The following RPS6KA5 variants were observed in gnomAD, a reference collection of about 807,000 sequenced individuals.
RPS6KA5 encodes ribosomal protein S6 kinase alpha-5.
Under a neutral mutation model 85.5 loss-of-function variants are expected in RPS6KA5, and 27 were observed. The observed-to-expected ratio is 0.32, with a 90% CI of 0.23 to 0.44. The LOEUF (loss-of-function observed/expected upper bound fraction) is 0.44. RPS6KA5 is among the 20% of genes least tolerant of loss of function. RPS6KA5 has a pLI of 1.00. For missense variants in RPS6KA5, 811 were observed against 980.9 expected, an observed-to-expected ratio of 0.83 and a Z score of 2.31; for synonymous variants, 334 against 348.2, an observed-to-expected ratio of 0.96 and a Z score of 0.46.
Position 90,902,795 on chromosome 14 carries a change from G to A in RPS6KA5, c.1119+13C>T. 1 of 1,612,742 alleles carries A rather than the reference G, an allele frequency of 6.2e-7. No individual in the cohort carries two copies. Among genetic ancestry groups the A allele is most frequent in the Non-Finnish European group, 8.5e-7 (1 of 1,179,088 alleles). On this transcript the variant is annotated intron_variant, in intron 9 of 16. Transcript: ENST00000614987. The stretch of plus-strand genomic sequence containing the variant: ...ATATGGCCAATGTGCATGTGCACAG[G>A]ATGGGAAATTACCTGAAACAGCTTC...
Position 90,849,789 on chromosome 14 carries a change from G to A in RPS6KA5, c.*22285C>T, listed in dbSNP as rs2031897441. 1 of 152,186 alleles carries A rather than the reference G, an allele frequency of 6.6e-6. No individual in the cohort carries two copies. The highest frequency in any genetic ancestry group is 1.5e-5 in the Non-Finnish European group (1 of 68,038). 9.4% of individuals were successfully genotyped at this position (152,186 alleles called of 1,614,324 possible). A position where few individuals can be genotyped will look rare whatever the true frequency, so the allele number is the denominator to read the frequency against. Reference sequence around the variant, plus strand: ...CTACTACTATTATTTCCCAAAGATGGAACAAAGGGTGACGTTACCCGTTGA... The same window carrying A: ...CTACTACTATTATTTCCCAAAGATGAAACAAAGGGTGACGTTACCCGTTGA... On this transcript the variant is annotated 3_prime_UTR_variant, in exon 17 of 17. Transcript: ENST00000614987.
At chr14:90,925,002 C>T (rs2036582700) in intron 5 of RPS6KA5, among the ~76,000 whole-genome samples, 1 of 152,174 alleles carries the variant, frequency 6.6e-6, no homozygotes, top group African/African-American at 2.4e-5. Flanking sequence ...TAGAAAGACT[C>T]TTAATGCTGG....
chr14:91,025,916 G>A (rs2041974152), intron 1 of RPS6KA5, among the ~76,000 whole-genome samples: 1 of 151,988 alleles, frequency 6.6e-6, no homozygotes, highest in Non-Finnish European at 1.5e-5. Flanking sequence ...ATGCTGAGAT[G>A]TGGCGTACAA....
rs970455616 is a variant in RPS6KA5 at position 90,849,012 on chromosome 14, A to T, written c.*23062T>A. 6.6e-6 allele frequency: 1 copy of T among 152,180 alleles called. No homozygotes were observed. Among genetic ancestry groups the T allele is most frequent in the Non-Finnish European group, 1.5e-5 (1 of 68,052 alleles). 9.4% of individuals were successfully genotyped at this position (152,180 alleles called of 1,614,324 possible). On this transcript the variant is annotated 3_prime_UTR_variant, in exon 17 of 17. Coordinates refer to ENST00000614987, the MANE Select transcript of RPS6KA5 (RefSeq NM_004755.4). ...GAGTCCACCGCACTCCAGCCTGGGC[A>T]ACAGAGCAAGGCCGCATCTCTAAAA...
rs540211289 is a variant in RPS6KA5, at chr14:91,041,443, C to T, written c.103+18889G>A. ...AGATTATTTTTTTCTTTTTGTCAGG[C>T]GGAAATAAATTATTTATAAAGCAAT... On this transcript the variant is annotated intron_variant, in intron 1 of 16. Transcript: ENST00000614987. Among the ~76,000 whole-genome samples, 130 of 152,080 alleles carry T rather than the reference C, an allele frequency of 8.5e-4. 1 individual carries two copies. Among genetic ancestry groups the T allele is most frequent in the Non-Finnish European group, 1.2e-3 (81 of 67,990 alleles).
chr14:90,888,661 G>A (rs996064536), intron 14 of RPS6KA5, among the ~76,000 whole-genome samples: 18 of 152,136 alleles, frequency 1.2e-4, no homozygotes, highest in Non-Finnish European at 1.9e-4. Flanking sequence ...AGACTTAAGT[G>A]TAAGAACAAA....
At chr14:91,050,630 T>C (rs1275384975) in intron 1 of RPS6KA5, among the ~76,000 whole-genome samples, 1 of 152,142 alleles carries the variant, frequency 6.6e-6, no homozygotes. Context: ...GGTTTCACCA[T>C]GTTGGCCAGG....
chr14:90,912,929 T>TTTG (rs2035907839), intron 7 of RPS6KA5, among the ~76,000 whole-genome samples: 4 of 143,358 alleles, frequency 2.8e-5, no homozygotes, highest in African/African-American at 1.1e-4. Context: ...TTTTTTTTTT[T>TTTG]GGGTGGAGTC....
intron 14 of RPS6KA5, among the ~76,000 whole-genome samples, chr14:90,886,612 G>A (rs1306280846): frequency 6.6e-6 from 1 of 152,190 alleles, no homozygotes; most frequent in African/African-American, 2.4e-5. Context: ...GACACAACAA[G>A]CAGGTGGCCA....
chr14:91,011,919 A>C (rs1421757704), intron 1 of RPS6KA5, among the ~76,000 whole-genome samples: 6 of 152,236 alleles, frequency 3.9e-5, no homozygotes, highest in African/African-American at 1.4e-4. Context: ...CAATTATAAA[A>C]AGTAACATTG....
chr14:91,031,481 T>C (rs1337480334), intron 1 of RPS6KA5, among the ~76,000 whole-genome samples: 1 of 152,078 alleles, frequency 6.6e-6, no homozygotes, highest in Non-Finnish European at 1.5e-5. Flanking sequence ...TTATGACAGT[T>C]ACACAAAGTT....
intron 5 of RPS6KA5, among the ~76,000 whole-genome samples, chr14:90,926,738 C>G (rs970014991): frequency 6.6e-6 from 1 of 150,978 alleles, no homozygotes; most frequent in African/African-American, 2.4e-5. Flanking sequence ...TTATACCCAG[C>G]AGCTAAGTTA....
At chr14:90,915,735 G>A (rs2036085573) in intron 7 of RPS6KA5, among the ~76,000 whole-genome samples, 1 of 151,898 alleles carries the variant, frequency 6.6e-6, no homozygotes, top group East Asian at 1.9e-4. Context: ...TAACTTGGGA[G>A]GCAGAGGTTG....
intron 2 of RPS6KA5, among the ~76,000 whole-genome samples, chr14:90,984,664 G>A (rs1177973690): frequency 6.6e-6 from 1 of 152,152 alleles, no homozygotes; most frequent in South Asian, 2.1e-4. Context: ...CTTGGAGTAG[G>A]TTTCTTTTCA....
intron 2 of RPS6KA5, among the ~76,000 whole-genome samples, chr14:90,994,141 C>G (rs1235007062): frequency 6.6e-6 from 1 of 152,152 alleles, no homozygotes; most frequent in Non-Finnish European, 1.5e-5. Context: ...TCCCAAAGTG[C>G]TGGGATTACA....
chr14:90,945,258 A>T (rs2037815038), intron 4 of RPS6KA5, among the ~76,000 whole-genome samples: 1 of 152,174 alleles, frequency 6.6e-6, no homozygotes, highest in African/African-American at 2.4e-5. Flanking sequence ...TATCAACACA[A>T]CACAACAGAA....
chr14:91,006,936 A>T (rs1457006690), intron 1 of RPS6KA5, among the ~76,000 whole-genome samples: 1 of 152,220 alleles, frequency 6.6e-6, no homozygotes, highest in Non-Finnish European at 1.5e-5. Flanking sequence ...TGTAGTTGGA[A>T]GGGAAGTAGG....
chr14:90,983,711 G>GGGGAATGT (rs2039911100), intron 2 of RPS6KA5, among the ~76,000 whole-genome samples: 1 of 151,924 alleles, frequency 6.6e-6, no homozygotes, highest in South Asian at 2.1e-4. Flanking sequence ...CATCGGGAAA[G>GGGGAATGT]GGGAATGGGG....
chr14:90,928,834 C>G (rs919466835), intron 5 of RPS6KA5, among the ~76,000 whole-genome samples: 5 of 151,404 alleles, frequency 3.3e-5, no homozygotes, highest in Admixed American at 3.3e-4. Context: ...TTACATAAAC[C>G]ATTCTAAATC....
Sources: gnomAD v4.1 joint callset for allele counts (sites outside exome capture counted in the v4.1 genomes callset) on GRCh38, gnomAD v4.1.1 for gene constraint, MANE v1.5 for transcripts, NCBI Gene and HGNC (gene_info 2026-07-23, HGNC 2026-07-21) for gene names.